The following HHIP variants were observed in gnomAD, a reference collection of about 807,000 sequenced individuals.
The protein encoded by HHIP is hedgehog interacting protein.
In HHIP, 12 loss-of-function variants were observed where a neutral mutation model predicts 74.0. The observed-to-expected ratio is 0.16, with a 90% CI of 0.10 to 0.26. The LOEUF (loss-of-function observed/expected upper bound fraction) is 0.26, where lower values mean the gene tolerates loss of function less well. Among genes scored for constraint, HHIP ranks in the 10% least tolerant of loss-of-function variants. HHIP has a pLI of 1.00. For synonymous variants in HHIP, 309 were observed against 311.6 expected (o/e 0.99, Z 0.09); for missense variants, 788 against 845.0 (o/e 0.93, Z 0.84).
chr4:144,661,134 T>G (rs113233272), intron 4 of HHIP: 13 of 152,312 alleles, frequency 8.5e-5, no homozygotes, highest in African/African-American at 3.1e-4. Flanking sequence ...TTGACTGCCT[T>G]TTAAATCAGG....
Position 144,738,395 on chromosome 4 carries a change from T to A in HHIP, c.*438T>A. The A allele has an allele frequency of 2.1e-6, 2 of 965,636 alleles. No homozygotes were observed. Among genetic ancestry groups the A allele is most frequent in the Non-Finnish European group, 2.5e-6 (2 of 811,582 alleles). 59.8% of individuals were successfully genotyped at this position (965,636 alleles called of 1,614,324 possible). ...AATTAAAAAAAAGGCAATATTTTTA[T>A]ATTAAAGTACTATACTAGGAGAGAA... On this transcript the variant is annotated 3_prime_UTR_variant, in exon 13 of 13. Transcript: ENST00000296575.
At chr4:144,712,392 A>G (rs1291786979) in intron 8 of HHIP, among the ~76,000 whole-genome samples, 1 of 152,190 alleles carries the variant, frequency 6.6e-6, no homozygotes, top group African/African-American at 2.4e-5. Flanking sequence ...AGTAGGGGAG[A>G]GCAGCTTGTC....
rs1160306627 is a variant in HHIP, at chr4:144,743,274, T to G, written c.*5317T>G. ...GCTGCTATGGAAAGGTTTGTTCACT[T>G]ATGAGATTAGGACTTTTCTTAAATT... is the stretch of plus-strand genomic sequence containing the variant. On this transcript the variant is annotated 3_prime_UTR_variant, in exon 13 of 13. Transcript: ENST00000296575. 5 of 151,476 alleles carry G rather than the reference T, an allele frequency of 3.3e-5. No individual in the cohort carries two copies. The highest frequency in any genetic ancestry group is 7.4e-5 in the Non-Finnish European group (5 of 67,850). 9.4% of individuals were successfully genotyped at this position (151,476 alleles called of 1,614,324 possible). A position where few individuals can be genotyped will look rare whatever the true frequency, so the allele number is the denominator to read the frequency against.
intron 10 of HHIP, among the ~76,000 whole-genome samples, chr4:144,718,141 A>G (rs1345819953): frequency 1.3e-5 from 2 of 152,200 alleles, no homozygotes; most frequent in African/African-American, 2.4e-5. Flanking sequence ...TTGGTAATAA[A>G]TGCTTTGAAG....
chr4:144,677,942 A>G (rs1729215638), intron 4 of HHIP, among the ~76,000 whole-genome samples: 1 of 152,172 alleles, frequency 6.6e-6, no homozygotes, highest in Admixed American at 6.6e-5. Flanking sequence ...TGAGGTAGCA[A>G]TGAAATATGT....
At chr4:144,655,515 T>A (rs1728534211) in intron 2 of HHIP, among the ~76,000 whole-genome samples, 1 of 152,172 alleles carries the variant, frequency 6.6e-6, no homozygotes, top group African/African-American at 2.4e-5. Context: ...GTGAAATGTC[T>A]GCACACAATT....
At chr4:144,694,924 T>C (rs1251352980) in intron 4 of HHIP, among the ~76,000 whole-genome samples, 1 of 151,810 alleles carries the variant, frequency 6.6e-6, no homozygotes, top group Non-Finnish European at 1.5e-5. Flanking sequence ...TAACTTTTGT[T>C]TTTATAAAAG....
chr4:144,729,579 G>A (rs1459597502), intron 11 of HHIP, among the ~76,000 whole-genome samples: 2 of 152,170 alleles, frequency 1.3e-5, no homozygotes, highest in Non-Finnish European at 2.9e-5. Context: ...TCTGCATTCT[G>A]TGGAATGAGG....
chr4:144,703,183 C>T (rs1197647746), intron 4 of HHIP, among the ~76,000 whole-genome samples: 4 of 149,458 alleles, frequency 2.7e-5, no homozygotes, highest in African/African-American at 9.8e-5. Flanking sequence ...CACTGCACTC[C>T]AGCCTGGGCA....
chr4:144,666,676 G>C (rs1403110704), intron 4 of HHIP, among the ~76,000 whole-genome samples: 2 of 152,172 alleles, frequency 1.3e-5, no homozygotes, highest in Non-Finnish European at 2.9e-5. Context: ...TGCATGAGAG[G>C]AGAGACTGCA....
intron 4 of HHIP, among the ~76,000 whole-genome samples, chr4:144,673,728 C>T (rs768336212): frequency 2.0e-5 from 3 of 152,266 alleles, no homozygotes; most frequent in African/African-American, 7.2e-5. Context: ...GAATTTCTAA[C>T]CTTTTAAATT....
At chr4:144,737,690 G>A in intron 12 of HHIP, 74 bp from the exon 13 acceptor site, 2 of 1,256,294 alleles carry the variant, frequency 1.6e-6, no homozygotes, top group South Asian at 2.2e-5. Flanking sequence ...GCAAATATTT[G>A]TTGGTCTCAT....
intron 4 of HHIP, among the ~76,000 whole-genome samples, chr4:144,683,237 G>A (rs987587482): frequency 2.0e-5 from 3 of 152,156 alleles, no homozygotes; most frequent in Non-Finnish European, 2.9e-5. Flanking sequence ...AGATTGAACA[G>A]AAATAAAATA....
rs566800448 is a variant in HHIP, at chr4:144,743,828, T to C, written c.*5871T>C. The C allele has an allele frequency of 7.9e-5, 12 of 152,124 alleles. No homozygotes were observed. Among genetic ancestry groups the C allele is most frequent in the Non-Finnish European group, 1.8e-4 (12 of 67,980 alleles). The allele number at this position is 152,124 out of a possible 1,614,324, so 9.4% of individuals were successfully genotyped here. ...GTTACAAACTAATTCTTGTACATTT[T>C]CCTTTTCACTAAAAAAATAACTAAT... On this transcript the variant is annotated 3_prime_UTR_variant, in exon 13 of 13. Coordinates refer to ENST00000296575, the MANE Select transcript of HHIP (RefSeq NM_022475.3).
At chr4:144,677,292 A>G (rs1423441207) in intron 4 of HHIP, among the ~76,000 whole-genome samples, 1 of 152,218 alleles carries the variant, frequency 6.6e-6, no homozygotes, top group Non-Finnish European at 1.5e-5. Flanking sequence ...CAGAAACTCA[A>G]TTCAGATGGG....
chr4:144,722,985 T>A (rs1320536751), intron 11 of HHIP, among the ~76,000 whole-genome samples: 2 of 152,230 alleles, frequency 1.3e-5, no homozygotes, highest in African/African-American at 4.8e-5. Context: ...TTATGTAACT[T>A]CCAAGATTTA....
intron 4 of HHIP, among the ~76,000 whole-genome samples, chr4:144,693,497 C>T (rs189620255): frequency 1.1e-3 from 164 of 152,188 alleles, no homozygotes; most frequent in East Asian, 5.0e-3. Context: ...CCATGGAAAA[C>T]GTGAACAGCT....
chr4:144,671,528 TG>T (rs1341427662), intron 4 of HHIP, among the ~76,000 whole-genome samples: 1 of 152,202 alleles, frequency 6.6e-6, no homozygotes, highest in Non-Finnish European at 1.5e-5. Context: ...TGATCTCTAA[TG>T]GGTCGCATTC....
intron 4 of HHIP, among the ~76,000 whole-genome samples, chr4:144,667,468 C>A (rs1436549946): frequency 6.6e-6 from 1 of 152,150 alleles, no homozygotes; most frequent in Non-Finnish European, 1.5e-5. Context: ...AAGTTATTGA[C>A]GCATGTGGAC....
Sources: allele counts gnomAD v4.1 joint callset (sites outside exome capture counted in the v4.1 genomes callset), GRCh38; gene constraint gnomAD v4.1.1; transcripts MANE v1.5; gene names NCBI Gene and HGNC (gene_info 2026-07-23, HGNC 2026-07-21).